The following RBKS variants were observed in gnomAD, a reference collection of about 807,000 sequenced individuals.
RBKS encodes ribokinase.
RBKS carries 33 observed loss-of-function variants against 33.9 expected under a neutral mutation model. The observed-to-expected ratio is 0.97, with a 90% CI of 0.74 to 1.30. The LOEUF is 1.30. Ranked by LOEUF, RBKS falls within the 50% of genes most tolerant of loss-of-function variation. The pLI, the probability that RBKS is intolerant of heterozygous loss-of-function variation, is 0.00. For synonymous variants in RBKS, 125 were observed against 143.0 expected (o/e 0.87, Z 0.90); for missense variants, 361 against 392.6 (o/e 0.92, Z 0.68).
intron 7 of RBKS, among the ~76,000 whole-genome samples, chr2:27,793,332 C>G (rs527260528): frequency 1.3e-5 from 2 of 152,068 alleles, no homozygotes; most frequent in African/African-American, 4.8e-5. Context: ...TATAAATAAT[C>G]CCCCCACAGA....
At chr2:27,817,409 G>A (rs4665393) in intron 7 of RBKS, among the ~76,000 whole-genome samples, 41,051 of 152,168 alleles carry the variant, frequency 0.27, 6,496 homozygotes, top group East Asian at 0.63. Context: ...ATTCACTGAT[G>A]AGAATGAATG....
chr2:27,862,258 T>C (rs1664006194), intron 1 of RBKS, among the ~76,000 whole-genome samples: 2 of 152,070 alleles, frequency 1.3e-5, no homozygotes, highest in African/African-American at 4.8e-5. Flanking sequence ...CTGATTTATG[T>C]TATTTAAAAG....
At chr2:27,813,239 G>A (rs183476819) in intron 7 of RBKS, among the ~76,000 whole-genome samples, 73 of 152,228 alleles carry the variant, frequency 4.8e-4, no homozygotes, top group African/African-American at 1.7e-3. Flanking sequence ...TAAGCTCACA[G>A]CCCGCAATTA....
chr2:27,785,478 C>T (rs1220186306), intron 7 of RBKS, among the ~76,000 whole-genome samples: 5 of 152,024 alleles, frequency 3.3e-5, no homozygotes, highest in East Asian at 3.9e-4. Flanking sequence ...AAATGTGTAA[C>T]GCTCGGATGG....
At chr2:27,790,009 A>G (rs1205878368) in intron 7 of RBKS, among the ~76,000 whole-genome samples, 1 of 147,704 alleles carries the variant, frequency 6.8e-6, no homozygotes, top group Non-Finnish European at 1.5e-5. Flanking sequence ...AGAGAGAGAG[A>G]GAGAGAGATG....
chr2:27,840,283 G>C (rs1663456083), intron 5 of RBKS, among the ~76,000 whole-genome samples: 1 of 148,590 alleles, frequency 6.7e-6, no homozygotes, highest in Admixed American at 6.8e-5. Flanking sequence ...GCCTCCCAAA[G>C]TGCTGGGATA....
rs180696965 is a variant in RBKS at position 27,793,945 on chromosome 2, A to T, written c.796-12157T>A. Among the ~76,000 whole-genome samples, 270 of 152,342 alleles carry T rather than the reference A, an allele frequency of 1.8e-3. 1 individual carries two copies. The highest frequency in any genetic ancestry group is 6.8e-3 in the Middle Eastern group (2 of 294). On this transcript the variant is annotated intron_variant, in intron 7 of 7. Transcript: ENST00000302188. ...ATATTGGGGAAACTAGGTGAAGAGT[A>T]TATGGGGCTACTGCAAATTTTCTGT...
chr2:27,783,156 CA>C (rs1024265632), intron 7 of RBKS, among the ~76,000 whole-genome samples: 5 of 152,104 alleles, frequency 3.3e-5, no homozygotes, highest in African/African-American at 9.7e-5. Flanking sequence ...CAAGATGCCC[CA>C]GGGGGCCGGG....
At chr2:27,868,279 C>G (rs917627967) in intron 1 of RBKS, among the ~76,000 whole-genome samples, 12 of 152,002 alleles carry the variant, frequency 7.9e-5, no homozygotes, top group African/African-American at 2.9e-4. Context: ...CATATATAAT[C>G]AAGAACTCAT....
intron 7 of RBKS, among the ~76,000 whole-genome samples, chr2:27,789,954 T>TAC (rs1377861603): frequency 7.3e-6 from 1 of 136,700 alleles, no homozygotes; most frequent in Non-Finnish European, 1.5e-5. Context: ...TATGTGTATA[T>TAC]ATATATATAT....
At chr2:27,809,353 C>A (rs1256680159) in intron 7 of RBKS, among the ~76,000 whole-genome samples, 4 of 152,212 alleles carry the variant, frequency 2.6e-5, no homozygotes, top group African/African-American at 9.7e-5. Flanking sequence ...TTGCTGAAAA[C>A]CCCATTCTGC....
intron 5 of RBKS, among the ~76,000 whole-genome samples, chr2:27,835,584 ATTTTTTT>A (rs34787188): frequency 8.0e-5 from 10 of 125,588 alleles, no homozygotes; most frequent in South Asian, 2.6e-4. Flanking sequence ...TGCTTGGGCA[ATTTTTTT>A]TTTTTTTTTT....
chr2:27,841,080 G>A (rs1297815333), intron 5 of RBKS, among the ~76,000 whole-genome samples: 6 of 152,060 alleles, frequency 3.9e-5, no homozygotes, highest in East Asian at 1.9e-4. Context: ...CACCTACCCC[G>A]CTTCCTGCTG....
intron 7 of RBKS, among the ~76,000 whole-genome samples, chr2:27,799,172 A>G (rs553646644): frequency 6.6e-6 from 1 of 152,332 alleles, no homozygotes; most frequent in South Asian, 2.1e-4. Flanking sequence ...TGGTTTGCCA[A>G]ATTCCAGTTG....
At chr2:27,887,421 A>G (rs1664557670) in intron 1 of RBKS, among the ~76,000 whole-genome samples, 1 of 152,250 alleles carries the variant, frequency 6.6e-6, no homozygotes, top group East Asian at 1.9e-4. Context: ...TGCGTTAATT[A>G]TTAAATTTGG....
At chr2:27,818,845 C>T (rs563309865) in intron 7 of RBKS, among the ~76,000 whole-genome samples, 3 of 152,308 alleles carry the variant, frequency 2.0e-5, no homozygotes, top group South Asian at 2.1e-4. Context: ...AAACATAAGA[C>T]ATCATTTGCC....
At chr2:27,807,652 A>G (rs531318845) in intron 7 of RBKS, among the ~76,000 whole-genome samples, 1 of 152,300 alleles carries the variant, frequency 6.6e-6, no homozygotes, top group South Asian at 2.1e-4. Flanking sequence ...GATTCCAGGA[A>G]TGAGGTACTG....
intron 7 of RBKS, among the ~76,000 whole-genome samples, chr2:27,818,024 G>A (rs1678131426): frequency 6.6e-6 from 1 of 152,184 alleles, no homozygotes; most frequent in Non-Finnish European, 1.5e-5. Flanking sequence ...ACCATGGTAG[G>A]AAGAAGCTGG....
At chr2:27,792,391 TG>T in intron 7 of RBKS, among the ~76,000 whole-genome samples, 1 of 152,368 alleles carries the variant, frequency 6.6e-6, no homozygotes, top group Admixed American at 6.5e-5. Flanking sequence ...ATAAGGATTT[TG>T]TGAACATTAA....
Sources: allele counts gnomAD v4.1 joint callset (sites outside exome capture counted in the v4.1 genomes callset), GRCh38; gene constraint gnomAD v4.1.1; transcripts MANE v1.5; gene names NCBI Gene and HGNC (gene_info 2026-07-23, HGNC 2026-07-21).